Variants in RIC8B observed in about 807,000 individuals in gnomAD.
RIC8B encodes the protein chaperone Ric-8B.
Under a neutral mutation model 57.5 loss-of-function variants are expected in RIC8B, and 16 were observed. The ratio of observed to expected loss-of-function variants is 0.28; its 90% CI spans 0.19 to 0.42. RIC8B has a LOEUF of 0.42. Among genes scored for constraint, RIC8B ranks in the 10% least tolerant of loss-of-function variants. The pLI, the probability that RIC8B is intolerant of heterozygous loss-of-function variation, is 1.00. For synonymous variants in RIC8B, 216 were observed against 250.8 expected (o/e 0.86, Z 1.31); for missense variants, 481 against 677.0 (o/e 0.71, Z 3.21).
intron 2 of RIC8B, among the ~76,000 whole-genome samples, chr12:106,802,732 G>C (rs1216754685): frequency 2.0e-5 from 3 of 151,818 alleles, no homozygotes; most frequent in African/African-American, 7.3e-5. Context: ...AAGAGAGTAG[G>C]ACTGAGTCAA....
intron 1 of RIC8B, among the ~76,000 whole-genome samples, chr12:106,779,087 A>G (rs982515695): frequency 6.6e-6 from 1 of 151,942 alleles, no homozygotes; most frequent in South Asian, 2.1e-4. Context: ...CTAATTTTGT[A>G]TCTTTAGTAG....
intron 9 of RIC8B, among the ~76,000 whole-genome samples, chr12:106,876,160 G>C (rs1439224505): frequency 1.3e-5 from 2 of 152,018 alleles, no homozygotes; most frequent in Non-Finnish European, 2.9e-5. Flanking sequence ...CCTGTCCAGA[G>C]TATGGTAACC....
Position 106,807,301 on chromosome 12 carries a change from A to C in RIC8B, c.133-7395A>C, listed in dbSNP as rs534535590. 2.7e-3 allele frequency among the ~76,000 whole-genome samples: 417 copies of C among 152,372 alleles called. 4 individuals are homozygous for C. Among genetic ancestry groups the C allele is most frequent in the Middle Eastern group, 0.02 (6 of 294 alleles). On this transcript the variant is annotated intron_variant, in intron 2 of 9. Transcript: ENST00000392837. The stretch of plus-strand genomic sequence containing the variant: ...GGACCTCAAGATAGAAGTGGTTTAC[A>C]AAATATGAGTGTTTATTACCTTTTC...
chr12:106,879,793 T>C lies in RIC8B; in HGVS notation c.1572-6111T>C, dbSNP rs1245995845. 1 of 985,266 alleles carries C rather than the reference T, an allele frequency of 1.0e-6. No homozygotes were observed. The highest frequency in any genetic ancestry group is 1.2e-6 in the Non-Finnish European group (1 of 829,936). The allele number at this position is 985,266 out of a possible 1,614,324, so 61.0% of individuals were successfully genotyped here. A position where few individuals can be genotyped will look rare whatever the true frequency, so the allele number is the denominator to read the frequency against. On this transcript the variant is annotated intron_variant, in intron 9 of 9. Transcript: ENST00000392837. The surrounding 1 kb of genome is among the most constrained non-coding windows in gnomAD (Gnocchi z 4.9). Reference sequence around the variant, plus strand: ...GTTCCAGTTGAACATTCTTGGAGGCTTATCTCTTCCCTGGCCAGATGCCTG... The same window carrying C: ...GTTCCAGTTGAACATTCTTGGAGGCCTATCTCTTCCCTGGCCAGATGCCTG...
intron 2 of RIC8B, among the ~76,000 whole-genome samples, chr12:106,810,014 G>T (rs946029806): frequency 1.3e-5 from 2 of 150,872 alleles, no homozygotes; most frequent in African/African-American, 4.9e-5. Context: ...TTCTTAGGAA[G>T]AAATAAAACA....
At chr12:106,849,563 A>G (rs1380204338) in intron 6 of RIC8B, among the ~76,000 whole-genome samples, 1 of 152,026 alleles carries the variant, frequency 6.6e-6, no homozygotes, top group Admixed American at 6.5e-5. Flanking sequence ...GGTCCCACCA[A>G]GACTTAACTG....
chr12:106,860,201 G>A, intron 7 of RIC8B, 67 bp from the exon 8 acceptor site: 1 of 1,311,966 alleles, frequency 7.6e-7, no homozygotes, highest in Non-Finnish European at 1.0e-6. Flanking sequence ...TCTTGTGTTG[G>A]TGAGTGGTTG....
intron 6 of RIC8B, among the ~76,000 whole-genome samples, chr12:106,846,521 A>G (rs919775706): frequency 7.2e-5 from 11 of 152,218 alleles, no homozygotes; most frequent in Admixed American, 2.6e-4. Context: ...CCCAGAAAGC[A>G]TGAATAATGA....
Position 106,879,851 on chromosome 12 carries a change from A to G in RIC8B, c.1572-6053A>G, listed in dbSNP as rs1003887793. On this transcript the variant is annotated intron_variant, in intron 9 of 9. Transcript: ENST00000392837. The surrounding 1 kb of genome is among the most constrained non-coding windows in gnomAD (Gnocchi z 4.9). The stretch of plus-strand genomic sequence containing the variant: ...GAGAAGCCCGCCATGATACTGTCAC[A>G]GTGCCTAGAATGGGCTCTTTATCCA... 1 of 985,320 alleles carries G rather than the reference A, an allele frequency of 1.0e-6. No individual in the cohort carries two copies. The highest frequency in any genetic ancestry group is 1.2e-6 in the Non-Finnish European group (1 of 829,938). 61.0% of individuals were successfully genotyped at this position (985,320 alleles called of 1,614,324 possible). A position where few individuals can be genotyped will look rare whatever the true frequency, so the allele number is the denominator to read the frequency against.
intron 9 of RIC8B, among the ~76,000 whole-genome samples, chr12:106,882,382 G>C (rs1162550736): frequency 1.3e-5 from 2 of 152,132 alleles, no homozygotes; most frequent in East Asian, 3.8e-4. Flanking sequence ...TTAGAGCACA[G>C]GTCCGTCTGA....
intron 7 of RIC8B, among the ~76,000 whole-genome samples, chr12:106,859,709 A>G (rs533445419): frequency 6.6e-6 from 1 of 152,230 alleles, no homozygotes; most frequent in African/African-American, 2.4e-5. Flanking sequence ...TACCTTCGTA[A>G]TGGGCTTCAT....
Position 106,824,582 on chromosome 12 carries a change from G to A in RIC8B, c.742-1144G>A, listed in dbSNP as rs1242268342. 2.6e-5 allele frequency among the ~76,000 whole-genome samples: 4 copies of A among 152,054 alleles called. 1 individual carries two copies. Among genetic ancestry groups the A allele is most frequent in the Admixed American group, 2.6e-4 (4 of 15,252 alleles). The stretch of plus-strand genomic sequence containing the variant: ...TTATGAAAATATATCACTTCACATG[G>A]ACTTGAAATCGATGATATATTAAGA... On this transcript the variant is annotated intron_variant, in intron 3 of 9. Coordinates refer to ENST00000392837, the MANE Select transcript of RIC8B (RefSeq NM_001330145.2).
chr12:106,823,731 C>G (rs1405061238), intron 3 of RIC8B, among the ~76,000 whole-genome samples: 1 of 149,738 alleles, frequency 6.7e-6, no homozygotes, highest in East Asian at 2.0e-4. Context: ...GTAGCCCAGG[C>G]TGGAATGCAA....
chr12:106,884,192 A>G (rs1270935533), intron 9 of RIC8B, among the ~76,000 whole-genome samples: 3 of 152,210 alleles, frequency 2.0e-5, no homozygotes, highest in Admixed American at 6.5e-5. Flanking sequence ...TTCTTTGTTC[A>G]TAATTCTCTT....
At chr12:106,831,432 TATGTATATG>T (rs1230134192) in intron 4 of RIC8B, among the ~76,000 whole-genome samples, 3 of 152,250 alleles carry the variant, frequency 2.0e-5, no homozygotes, top group Admixed American at 6.5e-5. Flanking sequence ...ACTTTCATCC[TATGTATATG>T]ATTCTACCAA....
At chr12:106,803,215 CAAAAAA>C (rs55853235) in intron 2 of RIC8B, among the ~76,000 whole-genome samples, 9 of 84,000 alleles carry the variant, frequency 1.1e-4, no homozygotes, top group African/African-American at 4.4e-4. Flanking sequence ...TACCCTGTCT[CAAAAAA>C]AAAAAAAAAA....
intron 3 of RIC8B, 85 bp from the exon 4 acceptor site, chr12:106,825,641 G>C (rs1566093176): frequency 5.4e-6 from 5 of 922,628 alleles, no homozygotes; most frequent in Non-Finnish European, 8.9e-6. Flanking sequence ...CTTGTTTGGG[G>C]TGGGCAAGAG....
At chr12:106,797,064 G>A (rs1471630312) in intron 2 of RIC8B, among the ~76,000 whole-genome samples, 1 of 152,166 alleles carries the variant, frequency 6.6e-6, no homozygotes, top group African/African-American at 2.4e-5. Flanking sequence ...ACTGCTGGTG[G>A]GAATGTAGTA....
chr12:106,818,085 A>G (rs2045662319), intron 3 of RIC8B, among the ~76,000 whole-genome samples: 1 of 152,234 alleles, frequency 6.6e-6, no homozygotes, highest in Admixed American at 6.5e-5. Context: ...ATATATGCTC[A>G]TTGTATAATA....
Sources: allele counts gnomAD v4.1 joint callset (sites outside exome capture counted in the v4.1 genomes callset), GRCh38; gene constraint gnomAD v4.1.1; non-coding constraint Gnocchi (gnomAD v3.1); transcripts MANE v1.5; gene names NCBI Gene and HGNC (gene_info 2026-07-23, HGNC 2026-07-21).